The following EFHC2 variants were observed in gnomAD, a reference collection of about 807,000 sequenced individuals.
The protein encoded by EFHC2 is EF-hand domain containing 2.
In EFHC2, 18 loss-of-function variants were observed where a neutral mutation model predicts 52.7. That is an observed-to-expected ratio of 0.34 (90% CI 0.24 to 0.51). The LOEUF (loss-of-function observed/expected upper bound fraction) is 0.51. EFHC2 is among the 20% of genes least tolerant of loss of function. The pLI is 0.97. For missense variants in EFHC2, 513 were observed against 562.5 expected (o/e 0.91, Z 0.89); for synonymous variants, 203 against 204.1 (o/e 0.99, Z 0.04).
rs7878868 is a variant in EFHC2, at chrX:44,278,640, C to T, written c.232-5804G>A. Among the ~76,000 whole-genome samples the T allele has an allele frequency of 5.4e-3, 598 of 110,992 alleles. 4 individuals carry two copies. The highest frequency in any genetic ancestry group is 0.018 in the African/African-American group (540 of 30,489). ...CTCTGACCTTCTCCCTTCCTCCTTC[C>T]CTATAGACTCGCATGTGACAGGTGT... On this transcript the variant is annotated intron_variant, in intron 2 of 14. Coordinates refer to ENST00000420999, the MANE Select transcript of EFHC2 (RefSeq NM_025184.4).
intron 1 of EFHC2, among the ~76,000 whole-genome samples, chrX:44,329,967 G>A (rs1339978583): frequency 9.3e-6 from 1 of 107,527 alleles, no homozygotes; most frequent in Non-Finnish European, 1.9e-5. Flanking sequence ...CAACATAGGA[G>A]GCCAGGCACA....
chrX:44,281,065 G>A (rs2037698382), intron 2 of EFHC2, among the ~76,000 whole-genome samples: 1 of 110,835 alleles, frequency 9.0e-6, no homozygotes, highest in South Asian at 3.9e-4. Flanking sequence ...GACTACAGGG[G>A]CACACCTCCA....
chrX:44,154,344 C>T (rs1602122753), intron 14 of EFHC2, among the ~76,000 whole-genome samples: 3 of 112,057 alleles, frequency 2.7e-5, no homozygotes, highest in East Asian at 2.8e-4. Context: ...GGATGAATAC[C>T]GCAGCTCCCT....
At chrX:44,251,538 T>C (rs1206905553) in intron 4 of EFHC2, among the ~76,000 whole-genome samples, 1 of 84,137 alleles carries the variant, frequency 1.2e-5, no homozygotes, top group Non-Finnish European at 2.2e-5. Flanking sequence ...GAGGCAGAGG[T>C]TGCAGTGAGC....
rs971409269 is a variant in EFHC2 at position 44,336,997 on chromosome X, C to T, written c.42+6550G>A. On this transcript the variant is annotated intron_variant, in intron 1 of 14. Coordinates refer to ENST00000420999, the MANE Select transcript of EFHC2 (RefSeq NM_025184.4). ...TTAGGTTATATTTTTACTCATAATG[C>T]TTTGTCATATAGTTTTAGTAGCTTT... Among the ~76,000 whole-genome samples the T allele has an allele frequency of 7.2e-5, 8 of 111,558 alleles. No individual in the cohort carries two copies. In the South Asian group the frequency reaches 1.1e-3, roughly 15 times the overall value.
Position 44,172,945 on chromosome X carries a change from C to G in EFHC2, c.2042+3347G>C, listed in dbSNP as rs10126274. On this transcript the variant is annotated intron_variant, in intron 13 of 14. Coordinates refer to ENST00000420999, the MANE Select transcript of EFHC2 (RefSeq NM_025184.4). ...TGACCTTATACCAGCTCCCACAGCA[C>G]AAACTGACAGGGGCTGAGGTAACCA... is the stretch of plus-strand genomic sequence containing the variant. 8.6e-3 allele frequency among the ~76,000 whole-genome samples: 962 copies of G among 111,584 alleles called. 10 individuals are homozygous for G. The highest frequency in any genetic ancestry group is 0.03 in the African/African-American group (911 of 30,686).
intron 1 of EFHC2, among the ~76,000 whole-genome samples, chrX:44,336,153 G>A (rs1366266283): frequency 3.7e-5 from 4 of 108,266 alleles, no homozygotes; most frequent in Admixed American, 9.9e-5. Context: ...TTGGGAGGCC[G>A]AGGTGGGTGG....
chrX:44,306,428 C>T (rs1191626837), intron 2 of EFHC2, among the ~76,000 whole-genome samples: 1 of 111,321 alleles, frequency 9.0e-6, no homozygotes, highest in East Asian at 2.8e-4. Flanking sequence ...CCACGAGCCC[C>T]ACCCAATAAA....
chrX:44,229,623 G>A (rs1364414113), intron 11 of EFHC2, 26 bp downstream of exon 11: 2 of 1,207,215 alleles, frequency 1.7e-6, no homozygotes, highest in Non-Finnish European at 2.2e-6. Context: ...GGGAAAACAG[G>A]TGATTGTTAG....
At chrX:44,173,113 T>C (rs1399373161) in intron 13 of EFHC2, among the ~76,000 whole-genome samples, 3 of 112,135 alleles carry the variant, frequency 2.7e-5, no homozygotes, top group Non-Finnish European at 5.6e-5. Context: ...GAGAAATACA[T>C]GGGTAACAAT....
chrX:44,338,790 A>C (rs773746563), intron 1 of EFHC2, among the ~76,000 whole-genome samples: 1 of 109,184 alleles, frequency 9.2e-6, no homozygotes, highest in African/African-American at 3.3e-5. Context: ...CTGCAAATTC[A>C]AATATGTTTT....
chrX:44,309,802 A>G, intron 2 of EFHC2: 1 of 1,065,559 alleles, frequency 9.4e-7, no homozygotes, highest in South Asian at 1.9e-5. Flanking sequence ...AGCAAAGGCT[A>G]CAACACGTTC....
chrX:44,337,415 A>T (rs2147401212), intron 1 of EFHC2, among the ~76,000 whole-genome samples: 1 of 111,763 alleles, frequency 8.9e-6, no homozygotes, highest in African/African-American at 3.2e-5. Flanking sequence ...TAAGGTAAAA[A>T]GGAAAAATAA....
Position 44,148,579 on chromosome X carries a change from GT to G in EFHC2, c.*215del. On this transcript the variant is annotated 3_prime_UTR_variant, in exon 15 of 15. Coordinates refer to ENST00000420999, the MANE Select transcript of EFHC2 (RefSeq NM_025184.4). ...TACATATAATAAAAATATTCAACAT[GT>G]TTTAAGATGGCATTTTAAATAGTAA... is the stretch of plus-strand genomic sequence containing the variant. 2.9e-6 allele frequency: 1 copy of G among 347,492 alleles called. No individual in the cohort carries two copies. Among genetic ancestry groups the G allele is most frequent in the Non-Finnish European group, 4.9e-6 (1 of 203,341 alleles). 28.6% of individuals were successfully genotyped at this position (347,492 alleles called of 1,213,427 possible).
chrX:44,282,178 G>C (rs927135954), intron 2 of EFHC2, among the ~76,000 whole-genome samples: 1 of 110,435 alleles, frequency 9.1e-6, no homozygotes, highest in Admixed American at 9.7e-5. Flanking sequence ...TTAACAAAAA[G>C]GGAAGGGCTT....
chrX:44,290,407 T>C (rs775599289), intron 2 of EFHC2, among the ~76,000 whole-genome samples: 9 of 111,838 alleles, frequency 8.0e-5, no homozygotes, highest in African/African-American at 2.9e-4. Flanking sequence ...AAAATACTTA[T>C]TTTTTTCTGT....
intron 14 of EFHC2, among the ~76,000 whole-genome samples, chrX:44,157,429 G>T (rs1460941075): frequency 9.0e-6 from 1 of 110,892 alleles, no homozygotes; most frequent in African/African-American, 3.3e-5. Context: ...TCTGCTTTCT[G>T]CCCTGGGAGA....
rs932540708 is a variant in EFHC2 at position 44,149,372 on chromosome X, C to G, written c.2149-476G>C. 5.4e-5 allele frequency among the ~76,000 whole-genome samples: 6 copies of G among 111,892 alleles called. No homozygotes were observed. The South Asian group carries it at 2.3e-3, about 42-fold the overall frequency. Reference sequence around the variant, plus strand: ...AAGAGCCAAGCTTAGCTGAATCCAGCCATGCTTCACTGACCTACATGCCCA... The same window carrying G: ...AAGAGCCAAGCTTAGCTGAATCCAGGCATGCTTCACTGACCTACATGCCCA... On this transcript the variant is annotated intron_variant, in intron 14 of 14. Transcript: ENST00000420999.
chrX:44,167,970 G>A (rs1350485226), intron 13 of EFHC2, among the ~76,000 whole-genome samples: 1 of 111,541 alleles, frequency 9.0e-6, no homozygotes, highest in African/African-American at 3.3e-5. Flanking sequence ...AACCCACAAT[G>A]ACAAAGAGAA....
Sources: allele counts gnomAD v4.1 joint callset (sites outside exome capture counted in the v4.1 genomes callset), GRCh38; gene constraint gnomAD v4.1.1; transcripts MANE v1.5; gene names NCBI Gene and HGNC (gene_info 2026-07-23, HGNC 2026-07-21).